Variants in ATP6V0D1 observed in about 807,000 individuals in gnomAD.
ATP6V0D1 encodes the protein ATPase H+ transporting V0 subunit d1.
In ATP6V0D1, 13 loss-of-function variants were observed where a neutral mutation model predicts 39.0. That is an observed-to-expected ratio of 0.33 (90% CI 0.22 to 0.53). ATP6V0D1 has a LOEUF of 0.53. ATP6V0D1 is among the 20% of genes least tolerant of loss of function. The pLI, the probability that ATP6V0D1 is intolerant of heterozygous loss-of-function variation, is 0.94. For missense variants in ATP6V0D1, 272 were observed against 470.9 expected, an observed-to-expected ratio of 0.58 and a Z score of 3.91; for synonymous variants, 191 against 191.2, an observed-to-expected ratio of 1.00 and a Z score of 0.01.
chr16:67,438,472 C>A lies in ATP6V0D1; in HGVS notation c.*56G>T. 6.3e-7 allele frequency: 1 copy of A among 1,579,310 alleles called. No homozygotes were observed. The stretch of plus-strand genomic sequence containing the variant: ...ACATACACACACACGCACACACACG[C>A]GCACACACACACACACACACACAAA... On this transcript the variant is annotated 3_prime_UTR_variant, in exon 8 of 8. Transcript: ENST00000290949.
At chr16:67,451,387 G>A (rs947413622) in intron 2 of ATP6V0D1, among the ~76,000 whole-genome samples, 2 of 152,302 alleles carry the variant, frequency 1.3e-5, no homozygotes, top group Admixed American at 1.3e-4. Flanking sequence ...AGCAGGGGAG[G>A]AAGCAAGGCC....
intron 2 of ATP6V0D1, among the ~76,000 whole-genome samples, chr16:67,450,653 C>G (rs140230744): frequency 6.6e-6 from 1 of 151,902 alleles, no homozygotes; most frequent in Admixed American, 6.6e-5. Context: ...GTTGAAAGCT[C>G]GAGGGATGAG....
At chr16:67,438,934 C>G (rs761381556) in intron 6 of ATP6V0D1, 37 bp downstream of exon 6, 1 of 1,613,416 alleles carries the variant, frequency 6.2e-7, no homozygotes, top group South Asian at 1.1e-5. Context: ...TTGGTGACAA[C>G]ACATCCAACC....
intron 1 of ATP6V0D1, among the ~76,000 whole-genome samples, chr16:67,479,554 T>C (rs2142339312): frequency 6.6e-6 from 1 of 152,306 alleles, no homozygotes; most frequent in Middle Eastern, 3.4e-3. Context: ...CCTACAATTA[T>C]TGTATTTTAA....
intron 2 of ATP6V0D1, among the ~76,000 whole-genome samples, chr16:67,445,221 C>A (rs972001097): frequency 1.3e-5 from 2 of 152,076 alleles, no homozygotes; most frequent in African/African-American, 4.8e-5. Flanking sequence ...GAGAGAAAGG[C>A]GCAGCAGCCG....
chr16:67,464,153 C>T (rs538996205), intron 1 of ATP6V0D1, among the ~76,000 whole-genome samples: 1 of 152,240 alleles, frequency 6.6e-6, no homozygotes, highest in South Asian at 2.1e-4. Context: ...TCATCAGCTC[C>T]CAACCCTTCA....
chr16:67,439,029 G>T lies in ATP6V0D1; in HGVS notation c.758C>A (p.Ala253Glu). 6.2e-7 allele frequency: 1 copy of T among 1,614,174 alleles called. No homozygotes were observed. The highest frequency in any genetic ancestry group is 8.5e-7 in the Non-Finnish European group (1 of 1,180,028). ...HCGRLYPEGL[A>E]QLARADDYEQ... is the part of the protein sequence containing the mutation. ...ATAGTCGTCAGCCCGAGCCAGCTGCGCCAGGCCCTCAGGGTAGAGCCGCCC... is the reference window on the plus strand; with the variant it reads ...ATAGTCGTCAGCCCGAGCCAGCTGCTCCAGGCCCTCAGGGTAGAGCCGCCC... The change falls in exon 6 of 8, where the codon GCG becomes GAG. Residue 253 changes from alanine (A) to glutamate (E), a missense_variant. Around this residue, in one of 4 missense-constraint regions of ATP6V0D1, gnomAD observed 135 missense variants for 273.8 expected, o/e 0.49. Transcript: ENST00000290949.
chr16:67,463,967 T>C (rs2041309579), intron 1 of ATP6V0D1, among the ~76,000 whole-genome samples: 1 of 152,230 alleles, frequency 6.6e-6, no homozygotes. Flanking sequence ...GCATGGAGCC[T>C]GGGCAGATAC....
At chr16:67,460,272 A>G (rs1476605919) in intron 1 of ATP6V0D1, among the ~76,000 whole-genome samples, 1 of 152,218 alleles carries the variant, frequency 6.6e-6, no homozygotes, top group Non-Finnish European at 1.5e-5. Context: ...ACTCAGACAG[A>G]TGGACCAATG....
intron 1 of ATP6V0D1, chr16:67,459,265 G>C (rs1356000874): frequency 3.0e-6 from 3 of 985,408 alleles, no homozygotes; most frequent in Non-Finnish European, 2.4e-6. Flanking sequence ...GCTGGGTTGG[G>C]AAGACACACC....
chr16:67,474,023 A>G (rs2041396070), intron 1 of ATP6V0D1, among the ~76,000 whole-genome samples: 2 of 152,114 alleles, frequency 1.3e-5, no homozygotes, highest in African/African-American at 2.4e-5. Flanking sequence ...ACCACATAAC[A>G]TCCCCTCCCT....
intron 4 of ATP6V0D1, chr16:67,441,042 GA>G (rs2041044464): frequency 6.6e-6 from 1 of 152,302 alleles, no homozygotes; most frequent in South Asian, 2.1e-4. Context: ...ATTTGTGGGG[GA>G]ACCAACCAAC....
chr16:67,452,433 G>A (rs1442786176), intron 2 of ATP6V0D1: 2 of 1,531,124 alleles, frequency 1.3e-6, no homozygotes, highest in Non-Finnish European at 8.7e-7. Context: ...CTAACTGCAG[G>A]GGATAAGAAT....
intron 2 of ATP6V0D1, among the ~76,000 whole-genome samples, chr16:67,452,667 CCT>C (rs1468554740): frequency 1.3e-5 from 2 of 152,214 alleles, no homozygotes; most frequent in Non-Finnish European, 2.9e-5. Flanking sequence ...GCTCACCACC[CCT>C]GTGGGGCCAC....
intron 1 of ATP6V0D1, among the ~76,000 whole-genome samples, chr16:67,463,082 T>C (rs1466491925): frequency 2.0e-5 from 3 of 152,202 alleles, no homozygotes; most frequent in Admixed American, 1.3e-4. Context: ...TCCTGCCAGT[T>C]CCACGGTGCC....
In ATP6V0D1 at chr16:67,438,966, C is replaced by T; in HGVS notation, c.816+5G>A. On this transcript the variant is annotated splice_donor_5th_base_variant and intron_variant, in intron 6 of 7. Transcript: ENST00000290949. ...AACCGCTGTCCTGCCAGCCGGGGCA[C>T]TCACCGGGTAGTAATCGGCCACGTT... The T allele has an allele frequency of 6.2e-7, 1 of 1,613,602 alleles. No individual in the cohort carries two copies. The highest frequency in any genetic ancestry group is 8.5e-7 in the Non-Finnish European group (1 of 1,179,760).
intron 1 of ATP6V0D1, among the ~76,000 whole-genome samples, chr16:67,476,354 A>G (rs1450793078): frequency 6.6e-6 from 1 of 152,262 alleles, no homozygotes; most frequent in East Asian, 1.9e-4. Flanking sequence ...CAATAAGATT[A>G]ATCAACTGAA....
At chr16:67,471,642 T>G (rs540933935) in intron 1 of ATP6V0D1, among the ~76,000 whole-genome samples, 9 of 152,112 alleles carry the variant, frequency 5.9e-5, no homozygotes, top group African/African-American at 2.2e-4. Context: ...ATCCCCTCCC[T>G]CAGAGCAAGT....
In ATP6V0D1 at chr16:67,462,838, A is replaced by C. The variant is rs563400544; in HGVS notation, c.131-9123T>G. On this transcript the variant is annotated intron_variant, in intron 1 of 7. Coordinates refer to ENST00000290949, the MANE Select transcript of ATP6V0D1 (RefSeq NM_004691.5). ...GGGAGACTCTGTCTCAAAAAAAAAA[A>C]AAAAACCTGGCCCATGCCCATGTCT... 6.6e-3 allele frequency among the ~76,000 whole-genome samples: 997 copies of C among 151,966 alleles called. 8 individuals are homozygous for C. Among genetic ancestry groups the C allele is most frequent in the African/African-American group, 0.013 (553 of 41,382 alleles).
Sources: gnomAD v4.1 joint callset for allele counts (sites outside exome capture counted in the v4.1 genomes callset) on GRCh38, gnomAD v4.1.1 for gene constraint, gnomAD v4.1.1 regional missense constraint, MANE v1.5 for transcripts, NCBI Gene and HGNC (gene_info 2026-07-23, HGNC 2026-07-21) for gene names.